FRMD5: variants seen among roughly 807,000 people sequenced by gnomAD.
FRMD5 encodes the protein FERM domain-containing protein 5.
A neutral mutation model predicts 69.0 loss-of-function variants in FRMD5; 20 were observed. That is an observed-to-expected ratio of 0.29 (90% confidence interval 0.20 to 0.42). The LOEUF (loss-of-function observed/expected upper bound fraction) is 0.42. Among genes scored for constraint, FRMD5 ranks in the 10% least tolerant of loss-of-function variants. The pLI, the probability that FRMD5 is intolerant of heterozygous loss-of-function variation, is 1.00. For missense variants in FRMD5, 595 were observed against 708.6 expected (o/e 0.84, Z 1.82); for synonymous variants, 271 against 260.1 (o/e 1.04, Z -0.40).
At chr15:43,935,964 C>T (rs1011698887) in intron 1 of FRMD5, among the ~76,000 whole-genome samples, 5 of 152,224 alleles carry the variant, frequency 3.3e-5, no homozygotes, top group Admixed American at 6.5e-5. Context: ...TGCAGAGACA[C>T]GCGGTTTAGA....
intron 1 of FRMD5, among the ~76,000 whole-genome samples, chr15:43,936,826 G>A (rs1033628992): frequency 2.2e-4 from 33 of 151,754 alleles, no homozygotes; most frequent in African/African-American, 7.3e-4. Context: ...GAAAGATGCC[G>A]ACAGTACAGC....
chr15:44,152,945 C>G (rs773716978), intron 1 of FRMD5, among the ~76,000 whole-genome samples: 1 of 151,462 alleles, frequency 6.6e-6, no homozygotes, highest in African/African-American at 2.4e-5. Flanking sequence ...TACAAATGGC[C>G]AATAAGCACA....
chr15:44,091,590 G>C (rs569014503), intron 1 of FRMD5, among the ~76,000 whole-genome samples: 1 of 152,244 alleles, frequency 6.6e-6, no homozygotes, highest in Non-Finnish European at 1.5e-5. Flanking sequence ...ACAAGATTTT[G>C]TGATGGGAAA....
chr15:43,972,544 C>T (rs564118235), intron 1 of FRMD5, among the ~76,000 whole-genome samples: 2 of 152,184 alleles, frequency 1.3e-5, no homozygotes, highest in East Asian at 3.9e-4. Context: ...TAAAAAGGTA[C>T]CTCTTCCTCT....
chr15:43,981,279 T>C (rs2090544898), intron 1 of FRMD5, among the ~76,000 whole-genome samples: 2 of 152,214 alleles, frequency 1.3e-5, no homozygotes, highest in African/African-American at 4.8e-5. Flanking sequence ...GTATGTTGTA[T>C]GTGTGACATC....
At position 43,909,484 on chromosome 15, in the gene FRMD5, GTATT is replaced by G. The variant is rs531577793; in HGVS notation, c.427+394_427+397del. On this transcript the variant is annotated intron_variant, in intron 5 of 13. Transcript: ENST00000417257. ...AGATACTGTTTGTTTGTTTGTTTAT[GTATT>G]TATTTATTTGGAGATGGAGTCTTGG... Among the ~76,000 whole-genome samples the G allele has an allele frequency of 2.5e-3, 375 of 149,798 alleles. 2 individuals carry two copies. Among genetic ancestry groups the G allele is most frequent in the African/African-American group, 8.8e-3 (361 of 41,034 alleles).
intron 1 of FRMD5, among the ~76,000 whole-genome samples, chr15:44,061,688 T>C (rs1243654938): frequency 1.3e-5 from 2 of 152,202 alleles, no homozygotes. Context: ...CTATTATTAC[T>C]CGTTGCATTA....
chr15:43,926,177 C>T (rs1180120417), intron 1 of FRMD5, among the ~76,000 whole-genome samples: 3 of 152,126 alleles, frequency 2.0e-5, no homozygotes, highest in African/African-American at 7.2e-5. Context: ...AACCCATAAC[C>T]TTCTACTTCA....
chr15:43,964,034 T>C (rs1039451669), intron 1 of FRMD5, among the ~76,000 whole-genome samples: 1 of 151,958 alleles, frequency 6.6e-6, no homozygotes, highest in Non-Finnish European at 1.5e-5. Flanking sequence ...TGTGCACATG[T>C]ACCCTAAAAC....
rs141353358 is a variant in FRMD5, at chr15:43,903,291, G to A, written c.552-1029C>T. On this transcript the variant is annotated intron_variant, in intron 6 of 13. Transcript: ENST00000417257. Reference sequence around the variant, plus strand: ...TGATGGCTGGTGGACAGGACTGCACGTTGCTCGTTTCTAAGCTTATCATTT... The same window carrying A: ...TGATGGCTGGTGGACAGGACTGCACATTGCTCGTTTCTAAGCTTATCATTT... Among the ~76,000 whole-genome samples, 12 of 152,330 alleles carry A rather than the reference G, an allele frequency of 7.9e-5. No individual in the cohort carries two copies. In the East Asian group the frequency reaches 1.2e-3, roughly 15 times the overall value.
In FRMD5 at chr15:44,195,029, C is replaced by T. The variant is rs2078265456; in HGVS notation, c.26G>A (p.Ser9Asn). The T allele has an allele frequency of 6.4e-7, 1 of 1,554,430 alleles. No individual in the cohort carries two copies. Among genetic ancestry groups the T allele is most frequent in the Non-Finnish European group, 8.7e-7 (1 of 1,155,086 alleles). MLSRLMSG[S>N]SRSLEREYSC... ...GTACTCGCGCTCCAGGCTCCTGCTG[C>T]TGCCGCTCATCAACCTGCTCAGCAT... The change falls in exon 1 of 14, where the codon AGC becomes AAC. Residue 9 changes from serine to asparagine, a missense_variant. Ser to Asn is a conservative substitution (Grantham distance 46). Transcript: ENST00000417257.
chr15:43,956,658 T>C lies in FRMD5; in HGVS notation c.103-32349A>G, dbSNP rs145135694. Reference sequence around the variant, plus strand: ...TAAAATGTAATTGCCTATATTAGTGTTTCTTAATCAACTTTGCAACACTCC... The same window carrying C: ...TAAAATGTAATTGCCTATATTAGTGCTTCTTAATCAACTTTGCAACACTCC... On this transcript the variant is annotated intron_variant, in intron 1 of 13. Coordinates refer to ENST00000417257, the MANE Select transcript of FRMD5 (RefSeq NM_032892.5). Among the ~76,000 whole-genome samples the C allele has an allele frequency of 5.9e-5, 9 of 152,324 alleles. No individual in the cohort carries two copies. The East Asian group carries it at 1.5e-3, about 26-fold the overall frequency.
intron 1 of FRMD5, among the ~76,000 whole-genome samples, chr15:44,012,351 C>T (rs1890756055): frequency 1.3e-5 from 2 of 152,174 alleles, no homozygotes; most frequent in South Asian, 4.1e-4. Flanking sequence ...TCTTTTGACA[C>T]ATCTAGGCTT....
chr15:43,964,170 T>C (rs894310592), intron 1 of FRMD5, among the ~76,000 whole-genome samples: 6 of 152,132 alleles, frequency 3.9e-5, no homozygotes, highest in Admixed American at 2.0e-4. Flanking sequence ...TCACTGGGTA[T>C]AGATCAACTT....
In FRMD5 at chr15:43,873,066, A is replaced by AAAG. The variant is rs2088204397; in HGVS notation, c.*816_*818dup. The AAAG allele has an allele frequency of 7.9e-6, 8 of 1,008,346 alleles. No individual in the cohort carries two copies. Among genetic ancestry groups the AAAG allele is most frequent in the African/African-American group, 4.9e-5 (3 of 61,234 alleles). 62.5% of individuals were successfully genotyped at this position (1,008,346 alleles called of 1,614,324 possible). A position where few individuals can be genotyped will look rare whatever the true frequency, so the allele number is the denominator to read the frequency against. On this transcript the variant is annotated 3_prime_UTR_variant, in exon 14 of 14. Transcript: ENST00000417257. The stretch of plus-strand genomic sequence containing the variant: ...CGTTTAACGCCCCTGGAGCACTATA[A>AAAG]AAGTCTTGAGGTTCTTCGGAAAAAA...
Position 44,195,233 on chromosome 15 carries a change from C to A in FRMD5, c.-179G>T. 1 of 541,834 alleles carries A rather than the reference C, an allele frequency of 1.8e-6. No homozygotes were observed. The highest frequency in any genetic ancestry group is 3.7e-5 in the Admixed American group (1 of 27,214). 33.6% of individuals were successfully genotyped at this position (541,834 alleles called of 1,614,324 possible). The stretch of plus-strand genomic sequence containing the variant: ...CTTATCCTCCTCCTTCCCTCAGCCG[C>A]CACCGCCTCCCCCCAGCCCAGATCA... On this transcript the variant is annotated 5_prime_UTR_variant, in exon 1 of 14. Coordinates refer to ENST00000417257, the MANE Select transcript of FRMD5 (RefSeq NM_032892.5).
At chr15:44,110,368 T>G (rs939557700) in intron 1 of FRMD5, among the ~76,000 whole-genome samples, 1 of 152,214 alleles carries the variant, frequency 6.6e-6, no homozygotes, top group African/African-American at 2.4e-5. Context: ...ACGTGCAGGC[T>G]TCTGTGTGGA....
At chr15:43,882,590 C>G (rs959253364) in intron 13 of FRMD5, among the ~76,000 whole-genome samples, 1 of 151,562 alleles carries the variant, frequency 6.6e-6, no homozygotes, top group Non-Finnish European at 1.5e-5. Context: ...AACTACTGAC[C>G]TTAGGTGATC....
At chr15:43,935,695 G>A (rs1234568966) in intron 1 of FRMD5, among the ~76,000 whole-genome samples, 1 of 152,142 alleles carries the variant, frequency 6.6e-6, no homozygotes, top group African/African-American at 2.4e-5. Context: ...AAGAAGAGTA[G>A]GGGTGAGTGG....
Sources: gnomAD v4.1 joint callset for allele counts (sites outside exome capture counted in the v4.1 genomes callset) on GRCh38, gnomAD v4.1.1 for gene constraint, MANE v1.5 for transcripts, NCBI Gene and HGNC (gene_info 2026-07-23, HGNC 2026-07-21) for gene names.